HES6: variants seen among roughly 807,000 people sequenced by gnomAD.
HES6 encodes hes family bHLH transcription factor 6.
A neutral mutation model predicts 16.4 loss-of-function variants in HES6; 24 were observed. That is an observed-to-expected ratio of 1.46 (90% CI 1.06 to 2.06). HES6 has a LOEUF of 2.06. HES6 is among the 30% of genes most tolerant of loss of function. The pLI is 0.00. For synonymous variants in HES6, 159 were observed against 144.3 expected (o/e 1.10, Z -0.73); for missense variants, 355 against 317.6 (o/e 1.12, Z -0.90).
Position 238,238,791 on chromosome 2 carries a change from C to A in HES6, c.*36G>T. On this transcript the variant is annotated 3_prime_UTR_variant, in exon 4 of 4. Coordinates refer to ENST00000272937, the MANE Select transcript of HES6 (RefSeq NM_018645.6). ...GAGGAGGGAGGAGATCCAGGGAGGG[C>A]CGGGCCCACCCCCGCAGGACTCTGG... 2 of 1,531,802 alleles carry A rather than the reference C, an allele frequency of 1.3e-6. No homozygotes were observed. The highest frequency in any genetic ancestry group is 1.4e-5 in the African/African-American group (1 of 73,086). The allele number at this position is 1,531,802 out of a possible 1,614,324, so 94.9% of individuals were successfully genotyped here.
At chr2:238,239,289 C>T in intron 3 of HES6, 38 bp from the exon 4 acceptor site, 2 of 1,579,970 alleles carry the variant, frequency 1.3e-6, no homozygotes, top group South Asian at 2.2e-5. Context: ...CCGCGTCCCG[C>T]GCGGTGAGCG....
Position 238,239,064 on chromosome 2 carries a change from C to A in HES6, c.438G>T (p.Gly146=), listed in dbSNP as rs1282286865. The change falls in exon 4 of 4, where the codon GGG becomes GGT. Residue 146 remains glycine (G), a synonymous_variant. Transcript: ENST00000272937. The stretch of plus-strand genomic sequence containing the variant: ...CTCTAGGTGGCCCCGCCAGGGCGTC[C>A]CCCAGCAGATCCTGGAAGCTGCTGC... The part of the protein sequence containing the change: ...REGSSFQDLL[G]DALAGPPRAP... 4 of 1,612,352 alleles carry A rather than the reference C, an allele frequency of 2.5e-6. No homozygotes were observed. In the African/African-American group the frequency reaches 5.3e-5, roughly 21 times the overall value.
At position 238,238,899 on chromosome 2, in the gene HES6, G is replaced by A. The variant is rs1288303411; in HGVS notation, c.603C>T (p.Pro201=). ...TGCCCAGGGCTGCGGGCACCAAGTCGGGCCCCTCAGCAGGAGCCTGACTCA... is the reference window on the plus strand; with the variant it reads ...TGCCCAGGGCTGCGGGCACCAAGTCAGGCCCCTCAGCAGGAGCCTGACTCA... ...AELSQAPAEG[P]DLVPAALGSL... Residue 201 remains proline (P), a synonymous_variant, in exon 4 of 4, where the codon CCC becomes CCT. Transcript: ENST00000272937. 3.8e-6 allele frequency: 6 copies of A among 1,581,916 alleles called. No individual in the cohort carries two copies. The highest frequency in any genetic ancestry group is 1.3e-5 in the African/African-American group (1 of 74,402).
rs1163689080 is a variant in HES6 at position 238,239,495 on chromosome 2, C to G, written c.242G>C (p.Arg81Pro). The change falls in exon 3 of 4, where the codon CGG (arginine) becomes CCG (proline). Residue 81 changes from arginine to proline, a missense_variant. Physicochemically the swap from Arg to Pro is moderately radical, Grantham distance 103. Transcript: ENST00000272937. Reference protein sequence around the residue: ...VRRVQGVLRGRAREREQLQAE... With the variant: ...VRRVQGVLRGPAREREQLQAE... Reference sequence around the variant, plus strand: ...GCCCCGCCGCCACTCACCGCGCGCCCGGCCCCGCAGCACACCCTGGACCCG... The same window carrying G: ...GCCCCGCCGCCACTCACCGCGCGCCGGGCCCCGCAGCACACCCTGGACCCG... 2 of 1,291,440 alleles carry G rather than the reference C, an allele frequency of 1.5e-6. No individual in the cohort carries two copies. Among genetic ancestry groups the G allele is most frequent in the African/African-American group, 1.6e-5 (1 of 63,874 alleles). The allele number at this position is 1,291,440 out of a possible 1,614,324, so 80.0% of individuals were successfully genotyped here.
chr2:238,239,604 G>T, intron 2 of HES6, 36 bp from the exon 3 acceptor site: 1 of 1,171,048 alleles, frequency 8.5e-7, no homozygotes, highest in Non-Finnish European at 1.1e-6. Context: ...CCGGCAGCGC[G>T]CTCCCGGACC....
Position 238,239,948 on chromosome 2 carries a change from G to A in HES6, c.-43C>T, listed in dbSNP as rs1574832037. On this transcript the variant is annotated 5_prime_UTR_variant, in exon 1 of 4. Transcript: ENST00000272937. ...CGCGGCAGGGGCTAGGAGCAGCGGG[G>A]ACGGGGAGCGGCGGGGACCGGAGTG... The A allele has an allele frequency of 1.2e-5, 14 of 1,161,484 alleles. No individual in the cohort carries two copies. The East Asian group carries it at 4.4e-4, about 36-fold the overall frequency. 71.9% of individuals were successfully genotyped at this position (1,161,484 alleles called of 1,614,324 possible).
In HES6 at chr2:238,238,817, C is replaced by G. The variant is rs145564355; in HGVS notation, c.*10G>C. On this transcript the variant is annotated 3_prime_UTR_variant, in exon 4 of 4. Coordinates refer to ENST00000272937, the MANE Select transcript of HES6 (RefSeq NM_018645.6). ...CGGGCCCACCCCCGCAGGACTCTGG[C>G]TGGCATTGGTCACCAAGGCCTCCAG... 352 of 1,550,770 alleles carry G rather than the reference C, an allele frequency of 2.3e-4. No homozygotes were observed. The African/African-American group carries it at 4.4e-3, about 19-fold the overall frequency.
chr2:238,239,611 G>GGGGGGGGCCCC, intron 2 of HES6, 43 bp from the exon 3 acceptor site: 29 of 1,135,568 alleles, frequency 2.6e-5, no homozygotes, highest in Non-Finnish European at 3.0e-5. Flanking sequence ...CGCGCTCCCG[G>GGGGGGGGCCCC]ACCCGCCCGC....
rs746475014 is a variant in HES6 at position 238,239,752 on chromosome 2, G to A, written c.82-5C>T. On this transcript the variant is annotated splice_region_variant and splice_polypyrimidine_tract_variant and intron_variant, in intron 1 of 3. Transcript: ENST00000272937. ...CTCCACCAGGGGCTTCCGGGCCTGC[G>A]GGGAGCGGGGCACTGAATCCCAGCC... The A allele has an allele frequency of 7.2e-7, 1 of 1,393,140 alleles. No individual in the cohort carries two copies. The allele number at this position is 1,393,140 out of a possible 1,614,324, so 86.3% of individuals were successfully genotyped here.
chr2:238,239,263 G>A lies in HES6; in HGVS notation c.251-12C>T, dbSNP rs757273387. ...CAGCTGCTCGCGCTCTGGGCCCGAG[G>A]GTGGGAGGGAGAGAGCCGCGTCCCG... On this transcript the variant is annotated splice_polypyrimidine_tract_variant and intron_variant, in intron 3 of 3. Transcript: ENST00000272937. 3 of 1,599,796 alleles carry A rather than the reference G, an allele frequency of 1.9e-6. No homozygotes were observed. The highest frequency in any genetic ancestry group is 1.7e-5 in the Admixed American group (1 of 59,772).
At chr2:238,239,596 G>A in intron 2 of HES6, 28 bp from the exon 3 acceptor site, 2 of 1,189,900 alleles carry the variant, frequency 1.7e-6, no homozygotes, top group Non-Finnish European at 2.1e-6. Context: ...GCGGTGAGCC[G>A]GCAGCGCGCT....
rs773246717 is a variant in HES6, at chr2:238,239,008, C to T, written c.494G>A (p.Gly165Asp). The change falls in exon 4 of 4, where the codon GGC becomes GAC. Residue 165 changes from glycine (G) to aspartate (D), a missense_variant. Transcript: ENST00000272937. ...GCTGGGTATTGGGGATCCCGGAGCG[C>T]CCCCCGCAGGCCAGCCACTCCGTCC... The part of the protein sequence containing the change: ...APGRSGWPAG[G>D]APGSPIPSPP... 9.3e-6 allele frequency: 15 copies of T among 1,606,928 alleles called. No homozygotes were observed. Among genetic ancestry groups the T allele is most frequent in the African/African-American group, 1.3e-5 (1 of 74,910 alleles).
chr2:238,239,338 C>A, intron 3 of HES6, 87 bp from the exon 4 acceptor site: 1 of 1,419,540 alleles, frequency 7.0e-7, no homozygotes, highest in Non-Finnish European at 9.3e-7. Context: ...CGCGGGGACG[C>A]GGCTCACCCA....
In HES6 at chr2:238,239,934, C is replaced by A. The variant is rs11697; in HGVS notation, c.-29G>T. ...CGCTCCGCCGGGGACGCGGCAGGGG[C>A]TAGGAGCAGCGGGGACGGGGAGCGG... On this transcript the variant is annotated 5_prime_UTR_variant, in exon 1 of 4. Coordinates refer to ENST00000272937, the MANE Select transcript of HES6 (RefSeq NM_018645.6). 0.069 allele frequency: 81,526 copies of A among 1,189,242 alleles called. 7,054 individuals are homozygous for A. Among genetic ancestry groups the A allele is most frequent in the African/African-American group, 0.41 (26,075 of 62,868 alleles). The allele number at this position is 1,189,242 out of a possible 1,614,324, so 73.7% of individuals were successfully genotyped here. A position where few individuals can be genotyped will look rare whatever the true frequency, so the allele number is the denominator to read the frequency against.
intron 3 of HES6, 94 bp from the exon 4 acceptor site, chr2:238,239,345 C>G (rs1695247283): frequency 7.2e-7 from 1 of 1,384,768 alleles, no homozygotes; most frequent in Admixed American, 2.8e-5. Flanking sequence ...ACGCGGCTCA[C>G]CCAGGAGACG....
Position 238,239,840 on chromosome 2 carries a change from C to A in HES6, c.66G>T (p.Thr22=), listed in dbSNP as rs1695267838. 3 of 1,389,212 alleles carry A rather than the reference C, an allele frequency of 2.2e-6. No homozygotes were observed. In the African/African-American group the frequency reaches 4.4e-5, roughly 21 times the overall value. 86.1% of individuals were successfully genotyped at this position (1,389,212 alleles called of 1,614,324 possible). A position where few individuals can be genotyped will look rare whatever the true frequency, so the allele number is the denominator to read the frequency against. The change falls in exon 1 of 4, where the codon ACG becomes ACT. Residue 22 remains threonine (T), a synonymous_variant. Coordinates refer to ENST00000272937, the MANE Select transcript of HES6 (RefSeq NM_018645.6). ...CGGCCCGCACCTTGCGGTCCCCTCGCGTCTCCCAGCCGTCCTCATCCTCAC... is the reference window on the plus strand; with the variant it reads ...CGGCCCGCACCTTGCGGTCCCCTCGAGTCTCCCAGCCGTCCTCATCCTCAC... The part of the protein sequence containing the change: ...VGREDEDGWE[T]RGDRKARKPL...
Position 238,239,634 on chromosome 2 carries a change from CCCACGGCGCCTGCCCGGCCGCCGCA to C in HES6, c.168+2_168+26del, listed in dbSNP as rs1476077372. The C allele has an allele frequency of 9.6e-6, 11 of 1,145,640 alleles. 1 individual carries two copies. Among genetic ancestry groups the C allele is most frequent in the South Asian group, 4.0e-5 (1 of 24,974 alleles). The allele number at this position is 1,145,640 out of a possible 1,614,324, so 71.0% of individuals were successfully genotyped here. On this transcript the variant is annotated splice_donor_variant and splice_donor_5th_base_variant and intron_variant, in intron 2 of 3. Coordinates refer to ENST00000272937, the MANE Select transcript of HES6 (RefSeq NM_018645.6). LOFTEE classifies it high-confidence loss of function. ...CGGACCCGCCCGCCCGCCCCGCAGC[CCCACGGCGCCTGCCCGGCCGCCGCA>C]CCTCGGCGCCCGCCAGCAGCAGCCG...
In HES6 at chr2:238,239,047, G is replaced by T. The variant is rs1695233841; in HGVS notation, c.455C>A (p.Pro152Gln). The T allele has an allele frequency of 2.5e-6, 4 of 1,611,846 alleles. No homozygotes were observed. Among genetic ancestry groups the T allele is most frequent in the Admixed American group, 3.3e-5 (2 of 59,988 alleles). Residue 152 changes from proline to glutamine, a missense_variant, in exon 4 of 4, where the codon CCA becomes CAA. Coordinates refer to ENST00000272937, the MANE Select transcript of HES6 (RefSeq NM_018645.6). ...GCCACTCCGTCCAGGGGCTCTAGGT[G>T]GCCCCGCCAGGGCGTCCCCCAGCAG... ...QDLLGDALAG[P>Q]PRAPGRSGWP...
chr2:238,239,601 C>T (rs1309861786), intron 2 of HES6, 33 bp from the exon 3 acceptor site: 29 of 1,178,956 alleles, frequency 2.5e-5, no homozygotes, highest in Non-Finnish European at 3.0e-5. Context: ...GAGCCGGCAG[C>T]GCGCTCCCGG....
Sources: gnomAD v4.1 joint callset for allele counts on GRCh38, gnomAD v4.1.1 for gene constraint, MANE v1.5 for transcripts, NCBI Gene and HGNC (gene_info 2026-07-23, HGNC 2026-07-21) for gene names.